Variants in NOX3 observed in about 807,000 individuals in gnomAD.
NOX3 encodes NADPH oxidase 3.
A neutral mutation model predicts 76.7 loss-of-function variants in NOX3; 74 were observed. The ratio of observed to expected loss-of-function variants is 0.96; its 90% CI spans 0.80 to 1.17. The LOEUF (loss-of-function observed/expected upper bound fraction) is 1.17, where lower values mean the gene tolerates loss of function less well. NOX3 is among the 50% of genes most tolerant of loss of function. The pLI is 0.00. For synonymous variants in NOX3, 263 were observed against 261.1 expected, an observed-to-expected ratio of 1.01 and a Z score of -0.07; for missense variants, 695 against 703.3, an observed-to-expected ratio of 0.99 and a Z score of 0.13.
At chr6:155,447,686 G>C (rs1777081482) in intron 4 of NOX3, among the ~76,000 whole-genome samples, 1 of 152,200 alleles carries the variant, frequency 6.6e-6, no homozygotes. Context: ...TCACAAGGTA[G>C]AACATACAAA....
intron 4 of NOX3, among the ~76,000 whole-genome samples, chr6:155,444,205 A>C (rs1462417692): frequency 6.6e-6 from 1 of 152,166 alleles, no homozygotes; most frequent in African/African-American, 2.4e-5. Context: ...CAGTTACCTG[A>C]GGTCAACCAC....
rs781599495 is a variant in NOX3, at chr6:155,422,690, G to A, written c.1308+4C>T. On this transcript the variant is annotated splice_donor_region_variant and intron_variant, in intron 10 of 13. Transcript: ENST00000159060. ...GGAAGGGTGAACTAATGATTTTTCCGTACCTTGCTCAGCTTCAGTGGGGTC... is the reference window on the plus strand; with the variant it reads ...GGAAGGGTGAACTAATGATTTTTCCATACCTTGCTCAGCTTCAGTGGGGTC... 15 of 1,612,852 alleles carry A rather than the reference G, an allele frequency of 9.3e-6. No individual in the cohort carries two copies. The highest frequency in any genetic ancestry group is 8.9e-5 in the East Asian group (4 of 44,848).
chr6:155,422,553 T>C (rs1440863653), intron 10 of NOX3, 141 bp downstream of exon 10: 2 of 738,914 alleles, frequency 2.7e-6, no homozygotes, highest in African/African-American at 3.5e-5. Context: ...TGGAGATTTT[T>C]AAGAACATAA....
chr6:155,429,583 C>T (rs1438150736), intron 8 of NOX3, among the ~76,000 whole-genome samples: 1 of 152,166 alleles, frequency 6.6e-6, no homozygotes, highest in Admixed American at 6.5e-5. Flanking sequence ...TTGGTTGAGT[C>T]TCATCCTGTG....
At chr6:155,396,311 A>G (rs1779137283) in intron 13 of NOX3, among the ~76,000 whole-genome samples, 1 of 152,232 alleles carries the variant, frequency 6.6e-6, no homozygotes, top group Non-Finnish European at 1.5e-5. Context: ...TTAAAGCAGA[A>G]AAGATCAGGT....
At chr6:155,401,790 CAA>C (rs5881135) in intron 12 of NOX3, among the ~76,000 whole-genome samples, 25,730 of 99,270 alleles carry the variant, frequency 0.26, 2,207 homozygotes, top group Middle Eastern at 0.34. Context: ...ACTGAAATTA[CAA>C]AAAAAAAAAA....
At chr6:155,439,636 C>G (rs1776954918) in intron 6 of NOX3, among the ~76,000 whole-genome samples, 1 of 152,160 alleles carries the variant, frequency 6.6e-6, no homozygotes, top group Admixed American at 6.5e-5. Flanking sequence ...AGTAATCTCA[C>G]ATAAATTGGA....
chr6:155,414,623 CTTTTTTTTT>C (rs72348061), intron 10 of NOX3, among the ~76,000 whole-genome samples: 1 of 113,790 alleles, frequency 8.8e-6, no homozygotes, highest in African/African-American at 3.3e-5. Context: ...TCTTTTCTTT[CTTTTTTTTT>C]TTTTTTTTTT....
At position 155,396,848 on chromosome 6, in the gene NOX3, CTTG is replaced by C. The variant is rs755425641; in HGVS notation, c.1692_1694del (p.Asn564del). On this transcript the variant is annotated inframe_deletion, in exon 13 of 14. Coordinates refer to ENST00000159060, the MANE Select transcript of NOX3 (RefSeq NM_015718.3). The stretch of plus-strand genomic sequence containing the variant: ...TGACCTCCAAAGTCTAGAAGCTCTC[CTTG>C]TTGTAATAGAAATGAACACCTCTGG... 1.9e-6 allele frequency: 3 copies of C among 1,610,944 alleles called. No individual in the cohort carries two copies. The highest frequency in any genetic ancestry group is 1.1e-5 in the South Asian group (1 of 90,768).
chr6:155,429,362 A>G (rs1242133668), intron 8 of NOX3, among the ~76,000 whole-genome samples: 5 of 152,232 alleles, frequency 3.3e-5, no homozygotes, highest in African/African-American at 1.2e-4. Context: ...GACCCAAGAC[A>G]GTAGAAGCTT....
At chr6:155,409,155 A>G (rs1339093196) in intron 11 of NOX3, among the ~76,000 whole-genome samples, 2 of 152,196 alleles carry the variant, frequency 1.3e-5, no homozygotes, top group African/African-American at 4.8e-5. Context: ...GTCTGACACC[A>G]GGTGGCAGAG....
At chr6:155,409,935 AGTT>A (rs1776519693) in intron 11 of NOX3, among the ~76,000 whole-genome samples, 2 of 152,146 alleles carry the variant, frequency 1.3e-5, no homozygotes, top group Admixed American at 6.6e-5. Flanking sequence ...CACAGCTCCC[AGTT>A]GGCAAGGAAT....
At chr6:155,397,060 T>G in intron 12 of NOX3, 98 bp from the exon 13 acceptor site, 1 of 1,166,786 alleles carries the variant, frequency 8.6e-7, no homozygotes, top group Non-Finnish European at 1.2e-6. Flanking sequence ...GTTGTGGCTT[T>G]ACTTATTTAT....
At chr6:155,416,741 A>ATTTTTT (rs1225392241) in intron 10 of NOX3, among the ~76,000 whole-genome samples, 5 of 100,126 alleles carry the variant, frequency 5.0e-5, no homozygotes, top group South Asian at 3.1e-4. Context: ...CATCTGAAAC[A>ATTTTTT]TTCTTTTTTT....
At chr6:155,402,188 C>A (rs578056129) in intron 12 of NOX3, among the ~76,000 whole-genome samples, 11 of 152,272 alleles carry the variant, frequency 7.2e-5, no homozygotes, top group African/African-American at 2.4e-4. Context: ...GAAAAAGATA[C>A]CTTTCTCTAG....
At chr6:155,432,154 G>A (rs992713650) in intron 7 of NOX3, among the ~76,000 whole-genome samples, 3 of 151,914 alleles carry the variant, frequency 2.0e-5, no homozygotes, top group African/African-American at 7.3e-5. Context: ...TCATGATAAG[G>A]TCAGGGTAAA....
chr6:155,453,610 ACAAAAG>A, intron 3 of NOX3, 122 bp from the exon 4 acceptor site: 1 of 749,594 alleles, frequency 1.3e-6, no homozygotes, highest in Non-Finnish European at 2.4e-6. Flanking sequence ...GCTATGTGAC[ACAAAAG>A]TTAATGGCCA....
intron 7 of NOX3, among the ~76,000 whole-genome samples, chr6:155,433,378 C>T (rs1256987739): frequency 6.6e-6 from 1 of 152,112 alleles, no homozygotes; most frequent in Non-Finnish European, 1.5e-5. Context: ...AGAATCAAGA[C>T]AAGGAGGCCT....
chr6:155,397,108 T>A, intron 12 of NOX3, 146 bp from the exon 13 acceptor site: 1 of 684,542 alleles, frequency 1.5e-6, no homozygotes, highest in Non-Finnish European at 2.2e-6. Context: ...AGATTCTTTT[T>A]TTCTACCTAC....
Sources: allele counts gnomAD v4.1 joint callset (sites outside exome capture counted in the v4.1 genomes callset), GRCh38; gene constraint gnomAD v4.1.1; transcripts MANE v1.5; gene names NCBI Gene and HGNC (gene_info 2026-07-23, HGNC 2026-07-21).